Variants in POM121C observed in about 807,000 individuals in gnomAD.
POM121C encodes nuclear envelope pore membrane protein POM 121C.
Under a neutral mutation model 66.4 loss-of-function variants are expected in POM121C, and 20 were observed. That is an observed-to-expected ratio of 0.30 (90% confidence interval 0.21 to 0.44). POM121C has a LOEUF of 0.44. POM121C is among the 20% of genes least tolerant of loss of function. POM121C has a pLI of 1.00. For synonymous variants in POM121C, 286 were observed against 528.0 expected (o/e 0.54, Z 6.28); for missense variants, 580 against 1,225.7 (o/e 0.47, Z 7.87).
intron 3 of POM121C, among the ~76,000 whole-genome samples, chr7:75,469,236 A>G (rs1791785380): frequency 6.6e-6 from 1 of 151,950 alleles, no homozygotes; most frequent in African/African-American, 2.4e-5. Context: ...AGTCCCTGGG[A>G]CTACAGGCAT....
chr7:75,419,008 G>A, intron 14 of POM121C, 115 bp from the exon 15 acceptor site: 1 of 1,458,810 alleles, frequency 6.9e-7, no homozygotes, highest in Non-Finnish European at 9.1e-7. Flanking sequence ...CCTCAATAGG[G>A]CTTTCCCCGC....
intron 1 of POM121C, among the ~76,000 whole-genome samples, chr7:75,481,897 A>G (rs1305424602): frequency 2.6e-5 from 4 of 152,136 alleles, no homozygotes; most frequent in Non-Finnish European, 4.4e-5. Flanking sequence ...TGCCTCCCCT[A>G]ATGAAGGCAA....
chr7:75,481,231 A>G (rs185530626), intron 1 of POM121C, among the ~76,000 whole-genome samples: 2 of 150,922 alleles, frequency 1.3e-5, no homozygotes, highest in African/African-American at 4.8e-5. Flanking sequence ...TATCAAATAT[A>G]TATGTATATA....
chr7:75,484,374 A>G, intron 1 of POM121C: 1 of 599,770 alleles, frequency 1.7e-6, no homozygotes, highest in Non-Finnish European at 3.0e-6. Flanking sequence ...TGAACACTCA[A>G]CCTGCAAACA....
intron 7 of POM121C, among the ~76,000 whole-genome samples, chr7:75,434,559 G>A (rs1281428974): frequency 6.8e-6 from 1 of 147,178 alleles, no homozygotes; most frequent in Non-Finnish European, 1.5e-5. Flanking sequence ...TTACAAGAGT[G>A]AGCCACGGTG....
chr7:75,457,091 G>C (rs1300052829), intron 3 of POM121C, among the ~76,000 whole-genome samples: 1 of 150,288 alleles, frequency 6.7e-6, no homozygotes, highest in Non-Finnish European at 1.5e-5. Context: ...AGACTGTATT[G>C]AGCTAAGATT....
intron 3 of POM121C, among the ~76,000 whole-genome samples, chr7:75,472,076 C>G (rs1304950000): frequency 2.0e-5 from 3 of 151,612 alleles, no homozygotes; most frequent in African/African-American, 7.3e-5. Flanking sequence ...TTAGTAGAGA[C>G]GGGGTTTCAC....
chr7:75,469,310 C>A (rs1791788712), intron 3 of POM121C, among the ~76,000 whole-genome samples: 1 of 152,164 alleles, frequency 6.6e-6, no homozygotes, highest in Admixed American at 6.6e-5. Flanking sequence ...GTTTCCCAGG[C>A]TAGCCTTGAT....
intron 1 of POM121C, among the ~76,000 whole-genome samples, chr7:75,483,951 A>C (rs1465236779): frequency 5.3e-5 from 8 of 151,964 alleles, no homozygotes; most frequent in African/African-American, 1.9e-4. Flanking sequence ...AAATACAAAA[A>C]ATTAGCTGGG....
At chr7:75,434,708 G>A (rs781906919) in intron 7 of POM121C, among the ~76,000 whole-genome samples, 25 of 151,362 alleles carry the variant, frequency 1.7e-4, no homozygotes, top group Non-Finnish European at 3.4e-4. Context: ...TCAGCGTCCC[G>A]AGTAGCTGGG....
chr7:75,468,070 T>C (rs1554478104), intron 3 of POM121C, among the ~76,000 whole-genome samples: 1 of 144,028 alleles, frequency 6.9e-6, no homozygotes, highest in East Asian at 2.1e-4. Context: ...AGGCAGAAGT[T>C]GCAGTGAGCT....
Position 75,441,116 on chromosome 7 carries a change from C to T in POM121C, c.66-1G>A. The stretch of plus-strand genomic sequence containing the variant: ...TGTTGAGCTGATTATCTGCTCTGGT[C>T]TATAATGAAAGACAAGATTCTAGCC... On this transcript the variant is annotated splice_acceptor_variant, in intron 4 of 14. Transcript: ENST00000615331. LOFTEE classifies it high-confidence loss of function. 2 of 1,612,808 alleles carry T rather than the reference C, an allele frequency of 1.2e-6. No individual in the cohort carries two copies. The highest frequency in any genetic ancestry group is 1.7e-6 in the Non-Finnish European group (2 of 1,179,528).
intron 7 of POM121C, 124 bp downstream of exon 7, chr7:75,437,391 C>T (rs1790457699): frequency 7.5e-7 from 1 of 1,338,320 alleles, no homozygotes; most frequent in Non-Finnish European, 1.0e-6. Flanking sequence ...TGGGCTCAAG[C>T]AATCCTCCCG....
intron 7 of POM121C, among the ~76,000 whole-genome samples, chr7:75,436,872 T>C (rs1790437346): frequency 6.6e-6 from 1 of 152,098 alleles, no homozygotes; most frequent in Non-Finnish European, 1.5e-5. Context: ...TCTCCCACCT[T>C]GATCTCCCAA....
chr7:75,427,892 AG>A (rs1790018566), intron 7 of POM121C, among the ~76,000 whole-genome samples: 1 of 152,188 alleles, frequency 6.6e-6, no homozygotes, highest in Non-Finnish European at 1.5e-5. Context: ...GGCCATCATC[AG>A]GAAGCCGGGC....
intron 3 of POM121C, among the ~76,000 whole-genome samples, chr7:75,473,834 G>A (rs1584713565): frequency 1.3e-5 from 2 of 150,946 alleles, no homozygotes; most frequent in Non-Finnish European, 3.0e-5. Context: ...GACTACAGGC[G>A]CCCGCCACTA....
At chr7:75,474,324 G>A (rs1319035905) in intron 3 of POM121C, among the ~76,000 whole-genome samples, 2 of 152,118 alleles carry the variant, frequency 1.3e-5, no homozygotes, top group Non-Finnish European at 2.9e-5. Context: ...AACCTGGGAG[G>A]TGATGGTTGC....
At chr7:75,436,762 T>C (rs1164225478) in intron 7 of POM121C, among the ~76,000 whole-genome samples, 8 of 152,158 alleles carry the variant, frequency 5.3e-5, no homozygotes, top group Non-Finnish European at 8.8e-5. Context: ...CAAGACCTTA[T>C]AGCTACTAGA....
chr7:75,486,240 G>A lies in POM121C; in HGVS notation c.-834C>T, dbSNP rs1173091459. On this transcript the variant is annotated 5_prime_UTR_variant, in exon 1 of 15. Transcript: ENST00000615331. The stretch of plus-strand genomic sequence containing the variant: ...ACTCGGTGATTCTCGTCCACTAGAA[G>A]CCAAAGCCTGGGAACGAGAGCAAGC... The A allele has an allele frequency of 3.5e-6, 1 of 282,102 alleles. No individual in the cohort carries two copies. Among genetic ancestry groups the A allele is most frequent in the Non-Finnish European group, 6.9e-6 (1 of 145,054 alleles). 17.5% of individuals were successfully genotyped at this position (282,102 alleles called of 1,614,324 possible).
Sources: gnomAD v4.1 joint callset for allele counts (sites outside exome capture counted in the v4.1 genomes callset) on GRCh38, gnomAD v4.1.1 for gene constraint, MANE v1.5 for transcripts, NCBI Gene and HGNC (gene_info 2026-07-23, HGNC 2026-07-21) for gene names.